Variants in ZNF202 observed in about 807,000 individuals in gnomAD.
ZNF202 encodes the protein zinc finger protein with KRAB and SCAN domains 10.
In ZNF202, 22 loss-of-function variants were observed where a neutral mutation model predicts 54.5. The ratio of observed to expected loss-of-function variants is 0.40; its 90% CI spans 0.29 to 0.58. The LOEUF is 0.58. Among genes scored for constraint, ZNF202 ranks in the 20% least tolerant of loss-of-function variants. The pLI is 0.39. For missense variants in ZNF202, 644 were observed against 805.5 expected (o/e 0.80, Z 2.43); for synonymous variants, 294 against 301.4 (o/e 0.98, Z 0.26).
Position 123,726,894 on chromosome 11 carries a change from C to G in ZNF202, c.1050G>C (p.Gln350His), listed in dbSNP as rs1352217139. ...CAAAGACTATTTCCCAATCTGGAGT[C>G]TGGTGAATTTCTGGTTCTCCCAAAA... The part of the protein sequence containing the change: ...RPVLGEPEIH[Q>H]TPDWEIVFED... The change falls in exon 9 of 9, where the codon CAG (glutamine) becomes CAC (histidine). Residue 350 changes from glutamine (Q) to histidine (H), a missense_variant. This residue lies in a region of ZNF202 where 536 missense variants were observed against 635.3 expected (regional missense o/e 0.84). Transcript: ENST00000530393. This position sits in a 1 kb window ranked among gnomAD's most constrained non-coding sequence, Gnocchi z 6.0. 8.1e-6 allele frequency: 13 copies of G among 1,614,162 alleles called. No individual in the cohort carries two copies. The highest frequency in any genetic ancestry group is 1.1e-5 in the Non-Finnish European group (13 of 1,180,036).
chr11:123,729,375 A>G (rs1048139097), intron 5 of ZNF202, among the ~76,000 whole-genome samples, 161 bp from the exon 6 acceptor site: 2 of 152,266 alleles, frequency 1.3e-5, no homozygotes, highest in Middle Eastern at 3.4e-3. Context: ...TCCCAATCCC[A>G]TCACCTATGA....
At chr11:123,734,613 A>G (rs1285155830) in intron 3 of ZNF202, among the ~76,000 whole-genome samples, 1 of 152,008 alleles carries the variant, frequency 6.6e-6, no homozygotes, top group Non-Finnish European at 1.5e-5. Flanking sequence ...CAGCATGCAC[A>G]TGTGTCTATT....
At chr11:123,733,289 T>C (rs1015391278) in intron 3 of ZNF202, among the ~76,000 whole-genome samples, 1 of 152,224 alleles carries the variant, frequency 6.6e-6, no homozygotes, top group African/African-American at 2.4e-5. Context: ...TAATTCATGC[T>C]CTTATGACAT....
chr11:123,729,232 C>T lies in ZNF202; in HGVS notation c.614-18G>A. The T allele has an allele frequency of 6.2e-7, 1 of 1,609,584 alleles. No homozygotes were observed. Among genetic ancestry groups the T allele is most frequent in the Non-Finnish European group, 8.5e-7 (1 of 1,178,842 alleles). ...TGGGACCTCTATGAAGAAAAGAAGG[C>T]AAAGATCAGTAATATGCAGCATGCC... On this transcript the variant is annotated intron_variant, in intron 5 of 8. Transcript: ENST00000530393.
rs950254610 is a variant in ZNF202 at position 123,731,013 on chromosome 11, A to G, written c.-97-28T>C. On this transcript the variant is annotated intron_variant, in intron 3 of 8. Transcript: ENST00000530393. ...GGATAGAGAAGTAAAGACAAACAAG[A>G]GTATAAGCATGAAACTATACACAAG... 5 of 1,153,864 alleles carry G rather than the reference A, an allele frequency of 4.3e-6. No homozygotes were observed. In the African/African-American group the frequency reaches 6.2e-5, roughly 14 times the overall value. The allele number at this position is 1,153,864 out of a possible 1,614,324, so 71.5% of individuals were successfully genotyped here.
At position 123,727,539 on chromosome 11, in the gene ZNF202, C is replaced by A. The variant is rs1861207980; in HGVS notation, c.889G>T (p.Val297Phe). Residue 297 changes from valine to phenylalanine, a missense_variant, in exon 8 of 9, where the codon GTC becomes TTC. Val to Phe is a conservative substitution (Grantham distance 50, BLOSUM62 -1). Transcript: ENST00000530393. ...ISQVREEEPW[V>F]PDIQEPQETQ... is the part of the protein sequence containing the mutation. ...TCCTGAGGCTCTTGGATATCTGGGA[C>A]CCAAGGCTCTTCCTCTCTAACCTGG... The A allele has an allele frequency of 3.1e-6, 5 of 1,614,090 alleles. No individual in the cohort carries two copies. Among genetic ancestry groups the A allele is most frequent in the Non-Finnish European group, 4.2e-6 (5 of 1,179,996 alleles).
chr11:123,726,485 C>A lies in ZNF202; in HGVS notation c.1459G>T (p.Gly487Ter). ...TCTGAAGTCCAGCGGAAGTGCTTTC[C>A]GCAATCATCACATCTATAGGGTTTC... is the stretch of plus-strand genomic sequence containing the variant. ...VEKPYRCDDC[G>*]KHFRWTSDLV... The change falls in exon 9 of 9, where the codon GGA (glycine) becomes TGA (stop). Residue 487 changes from glycine to a stop codon, truncating the protein, a stop_gained. Coordinates refer to ENST00000530393, the MANE Select transcript of ZNF202 (RefSeq NM_003455.4). LOFTEE classifies it high-confidence loss of function. The surrounding 1 kb of genome is among the most constrained non-coding windows in gnomAD (Gnocchi z 6.0). The A allele has an allele frequency of 6.2e-7, 1 of 1,614,234 alleles. No individual in the cohort carries two copies. Among genetic ancestry groups the A allele is most frequent in the Non-Finnish European group, 8.5e-7 (1 of 1,180,050 alleles).
chr11:123,736,048 T>C (rs1861622876), intron 3 of ZNF202, among the ~76,000 whole-genome samples: 1 of 152,172 alleles, frequency 6.6e-6, no homozygotes, highest in Admixed American at 6.5e-5. Flanking sequence ...GTCTTGAGTG[T>C]TCCTAGGATG....
In ZNF202 at chr11:123,729,118, G is replaced by C; in HGVS notation, c.702+8C>G. 3.7e-6 allele frequency: 6 copies of C among 1,613,508 alleles called. No homozygotes were observed. Among genetic ancestry groups the C allele is most frequent in the Non-Finnish European group, 5.1e-6 (6 of 1,179,828 alleles). ...ATTCTCTGTGGTACAGAGGTAACTAGGGCACACCTGTGACAGAGCAGTAAG... is the reference window on the plus strand; with the variant it reads ...ATTCTCTGTGGTACAGAGGTAACTACGGCACACCTGTGACAGAGCAGTAAG... On this transcript the variant is annotated splice_region_variant and intron_variant, in intron 6 of 8. Transcript: ENST00000530393.
At position 123,730,696 on chromosome 11, in the gene ZNF202, T is replaced by A; in HGVS notation, c.193A>T (p.Ile65Phe). ...QEAASPREAL[I>F]RLRELCHQWL... ...TGGTGACAAAGTTCTCGGAGTCTGA[T>A]GAGAGCTTCTCTAGGGCTTGCTGCC... The change falls in exon 4 of 9, where the codon ATC (isoleucine) becomes TTC (phenylalanine). Residue 65 changes from isoleucine to phenylalanine, a missense_variant. Physicochemically the swap from Ile to Phe is conservative, Grantham distance 21 (BLOSUM62 0). This residue lies in a region of ZNF202 where 62 missense variants were observed against 122.8 expected (regional missense o/e 0.50). Coordinates refer to ENST00000530393, the MANE Select transcript of ZNF202 (RefSeq NM_003455.4). The surrounding 1 kb of genome is among the most constrained non-coding windows in gnomAD (Gnocchi z 6.0). The A allele has an allele frequency of 1.2e-6, 2 of 1,614,262 alleles. No individual in the cohort carries two copies. Among genetic ancestry groups the A allele is most frequent in the Non-Finnish European group, 1.7e-6 (2 of 1,180,040 alleles).
chr11:123,724,174 CAT>C lies in ZNF202; in HGVS notation c.*1821_*1822del, dbSNP rs1861020765. ...CAGGCTTGGATCTTATCTCAGAGTG[CAT>C]ATGTTTCACCGGACTCTGCTAATCA... On this transcript the variant is annotated 3_prime_UTR_variant, in exon 9 of 9. Transcript: ENST00000530393. 6.6e-6 allele frequency: 1 copy of C among 152,178 alleles called. No individual in the cohort carries two copies. The highest frequency in any genetic ancestry group is 2.1e-4 in the South Asian group (1 of 4,824). The allele number at this position is 152,178 out of a possible 1,614,324, so 9.4% of individuals were successfully genotyped here. A position where few individuals can be genotyped will look rare whatever the true frequency, so the allele number is the denominator to read the frequency against.
At chr11:123,737,010 G>T (rs1333483504) in intron 3 of ZNF202, among the ~76,000 whole-genome samples, 1 of 151,932 alleles carries the variant, frequency 6.6e-6, no homozygotes, top group Non-Finnish European at 1.5e-5. Context: ...GGAAAATCTT[G>T]GTCGGTCTAT....
Position 123,730,982 on chromosome 11 carries a change from G to T in ZNF202, c.-94C>A. The T allele has an allele frequency of 3.5e-6, 5 of 1,446,276 alleles. No individual in the cohort carries two copies. Among genetic ancestry groups the T allele is most frequent in the Non-Finnish European group, 4.7e-6 (5 of 1,075,110 alleles). The allele number at this position is 1,446,276 out of a possible 1,614,324, so 89.6% of individuals were successfully genotyped here. On this transcript the variant is annotated 5_prime_UTR_variant, in exon 4 of 9. Transcript: ENST00000530393. This position sits in a 1 kb window ranked among gnomAD's most constrained non-coding sequence, Gnocchi z 6.0. The stretch of plus-strand genomic sequence containing the variant: ...GACACAGCGAGGATTTTCTTCCAAG[G>T]GCCCTGGATAGAGAAGTAAAGACAA...
At chr11:123,736,983 A>G (rs1861658076) in intron 3 of ZNF202, among the ~76,000 whole-genome samples, 1 of 152,242 alleles carries the variant, frequency 6.6e-6, no homozygotes, top group Admixed American at 6.5e-5. Flanking sequence ...ATAATTACAA[A>G]AAAACAGATG....
chr11:123,739,106 C>T (rs919700141), intron 3 of ZNF202, among the ~76,000 whole-genome samples: 1 of 152,010 alleles, frequency 6.6e-6, no homozygotes, highest in African/African-American at 2.4e-5. Context: ...TTTAAGCTTT[C>T]TATTTCTCCT....
At chr11:123,732,355 C>T (rs769764363) in intron 3 of ZNF202, among the ~76,000 whole-genome samples, 3 of 152,150 alleles carry the variant, frequency 2.0e-5, no homozygotes, top group Admixed American at 6.5e-5. Context: ...ATTAGGTTGA[C>T]GTTCATCTTG....
In ZNF202 at chr11:123,725,051, A is replaced by T. The variant is rs1861067004; in HGVS notation, c.*946T>A. 6.6e-6 allele frequency: 1 copy of T among 152,174 alleles called. No individual in the cohort carries two copies. The allele number at this position is 152,174 out of a possible 1,614,324, so 9.4% of individuals were successfully genotyped here. The stretch of plus-strand genomic sequence containing the variant: ...ACAGTTTCCAAATCCCCTTACTCAT[A>T]CGACCCCTGTGAAGGGGGGTGTGAA... On this transcript the variant is annotated 3_prime_UTR_variant, in exon 9 of 9. Coordinates refer to ENST00000530393, the MANE Select transcript of ZNF202 (RefSeq NM_003455.4).
chr11:123,727,384 C>G (rs2137316472), intron 8 of ZNF202, 92 bp downstream of exon 8: 2 of 1,544,288 alleles, frequency 1.3e-6, no homozygotes, highest in South Asian at 1.2e-5. Context: ...GTTAGAAGAA[C>G]TGATGAGAGC....
chr11:123,729,043 T>A (rs1861282603), intron 6 of ZNF202, 83 bp downstream of exon 6: 3 of 1,395,296 alleles, frequency 2.2e-6, no homozygotes, highest in Non-Finnish European at 3.0e-6. Flanking sequence ...TAAATGTGCA[T>A]CCTGCTTCAC....
Sources: gnomAD v4.1 joint callset for allele counts (sites outside exome capture counted in the v4.1 genomes callset) on GRCh38, gnomAD v4.1.1 for gene constraint, gnomAD v4.1.1 regional missense constraint, Gnocchi (gnomAD v3.1) non-coding constraint, MANE v1.5 for transcripts, NCBI Gene and HGNC (gene_info 2026-07-23, HGNC 2026-07-21) for gene names.